The following RPS6KC1 variants were observed in gnomAD, a reference collection of about 807,000 sequenced individuals.
The protein encoded by RPS6KC1 is ribosomal protein S6 kinase C1, also known as inactive ribosomal protein S6 kinase delta-1.
In RPS6KC1, 54 loss-of-function variants were observed where a neutral mutation model predicts 103.8. The observed-to-expected ratio is 0.52, with a 90% CI of 0.42 to 0.65. The LOEUF (loss-of-function observed/expected upper bound fraction) is 0.65, where lower values mean the gene tolerates loss of function less well. RPS6KC1 is among the 30% of genes least tolerant of loss of function. The probability of loss-of-function intolerance (pLI) is 0.00; values close to 1 mark genes in which losing one functional copy is unlikely to be tolerated. For missense variants in RPS6KC1, 1,151 were observed against 1,253.8 expected, an observed-to-expected ratio of 0.92 and a Z score of 1.24; for synonymous variants, 439 against 438.7, an observed-to-expected ratio of 1.00 and a Z score of -0.01.
the RPS6KC1 span, among the ~76,000 whole-genome samples, chr1:213,668,001 C>T: frequency 6.6e-6 from 1 of 152,202 alleles, no homozygotes; most frequent in African/African-American, 2.4e-5. Flanking sequence ...ACTACATCTG[C>T]GTTGACTTTG....
the RPS6KC1 span, among the ~76,000 whole-genome samples, chr1:213,716,327 C>A: frequency 0.26 from 38,780 of 151,810 alleles, 6,150 homozygotes; most frequent in East Asian, 0.55. Context: ...GGGCTCCCTG[C>A]CTAATTCTGA....
At chr1:213,423,711 GCA>G in the RPS6KC1 span, among the ~76,000 whole-genome samples, 4 of 151,956 alleles carry the variant, frequency 2.6e-5, no homozygotes, top group Non-Finnish European at 5.9e-5. Flanking sequence ...TCATCTTGAG[GCA>G]CAGTTTCTTT....
chr1:213,161,380 G>A (rs565891073), intron 6 of RPS6KC1, among the ~76,000 whole-genome samples: 1 of 152,184 alleles, frequency 6.6e-6, no homozygotes, highest in South Asian at 2.1e-4. Flanking sequence ...GAGTGCAGGG[G>A]CACCATCTTG....
chr1:213,310,819 G>C, the RPS6KC1 span, among the ~76,000 whole-genome samples: 2 of 152,204 alleles, frequency 1.3e-5, no homozygotes, highest in Non-Finnish European at 2.9e-5. Context: ...TTAAAATTCA[G>C]ACTGTTTTGC....
the RPS6KC1 span, among the ~76,000 whole-genome samples, chr1:213,695,219 G>A: frequency 9.3e-4 from 142 of 152,352 alleles, no homozygotes; most frequent in Middle Eastern, 6.8e-3. Context: ...AATTATTACA[G>A]TGAAAAAGGT....
the RPS6KC1 span, among the ~76,000 whole-genome samples, chr1:213,316,700 AGTGTGT>A: frequency 0.011 from 1,627 of 144,508 alleles, 24 homozygotes; most frequent in African/African-American, 0.036. Context: ...TAGGGCATGC[AGTGTGT>A]GTGTGTGTGT....
chr1:213,190,643 G>C (rs1192302313), intron 8 of RPS6KC1, among the ~76,000 whole-genome samples: 2 of 152,110 alleles, frequency 1.3e-5, no homozygotes, highest in African/African-American at 4.8e-5. Context: ...CTGTGCAAAA[G>C]CTTTTTGCTT....
At chr1:213,688,532 C>G in the RPS6KC1 span, among the ~76,000 whole-genome samples, 1 of 152,086 alleles carries the variant, frequency 6.6e-6, no homozygotes, top group Non-Finnish European at 1.5e-5. Context: ...AACCAAGTTG[C>G]CTCTGTTTCC....
At position 213,184,080 on chromosome 1, in the gene RPS6KC1, TTAAC is replaced by T. The variant is rs1428367635; in HGVS notation, c.1044+7591_1044+7594del. 1.1e-4 allele frequency among the ~76,000 whole-genome samples: 16 copies of T among 152,280 alleles called. No individual in the cohort carries two copies. In the East Asian group the frequency reaches 3.1e-3, roughly 29 times the overall value. On this transcript the variant is annotated intron_variant, in intron 8 of 14. Coordinates refer to ENST00000366960, the MANE Select transcript of RPS6KC1 (RefSeq NM_012424.6). ...ATAAATAGATAATTTGAATGGCTCT[TTAAC>T]TATTAAGGGAACTGAATTTATAATT...
the RPS6KC1 span, among the ~76,000 whole-genome samples, chr1:213,628,312 T>C: frequency 6.6e-6 from 1 of 152,160 alleles, no homozygotes; most frequent in Non-Finnish European, 1.5e-5. Context: ...TCTTCTCTCT[T>C]TTATTCTTTA....
chr1:213,671,424 T>A, the RPS6KC1 span, among the ~76,000 whole-genome samples: 1 of 152,078 alleles, frequency 6.6e-6, no homozygotes, highest in Non-Finnish European at 1.5e-5. Flanking sequence ...AAAGTTTCAG[T>A]TACACAGGAG....
the RPS6KC1 span, among the ~76,000 whole-genome samples, chr1:213,676,549 A>G: frequency 2.0e-5 from 3 of 152,200 alleles, no homozygotes; most frequent in Non-Finnish European, 4.4e-5. Context: ...TAATTCAGCA[A>G]TGGACAGATG....
the RPS6KC1 span, among the ~76,000 whole-genome samples, chr1:213,714,978 C>T: frequency 1.3e-5 from 2 of 152,192 alleles, no homozygotes; most frequent in East Asian, 3.9e-4. Flanking sequence ...CATAGAGGGG[C>T]CAATCAAAGT....
At chr1:213,591,426 T>C in the RPS6KC1 span, among the ~76,000 whole-genome samples, 1 of 152,180 alleles carries the variant, frequency 6.6e-6, no homozygotes. Context: ...CTCCTTCTGT[T>C]TCCCACCATG....
At chr1:213,116,595 A>G (rs1312389005) in intron 4 of RPS6KC1, among the ~76,000 whole-genome samples, 13 of 149,898 alleles carry the variant, frequency 8.7e-5, no homozygotes, top group African/African-American at 3.0e-4. Context: ...TCCTGTCATT[A>G]TGATGTTAGC....
intron 2 of RPS6KC1, among the ~76,000 whole-genome samples, chr1:213,072,070 T>A (rs1442772832): frequency 6.6e-6 from 1 of 152,164 alleles, no homozygotes; most frequent in Non-Finnish European, 1.5e-5. Context: ...TATATCAGGA[T>A]TTTTTCCGCC....
chr1:213,128,202 T>G (rs1244920799), intron 5 of RPS6KC1, among the ~76,000 whole-genome samples: 1 of 152,232 alleles, frequency 6.6e-6, no homozygotes, highest in Non-Finnish European at 1.5e-5. Flanking sequence ...ATTCTAGCTA[T>G]CTGCTGTTAA....
At chr1:213,735,624 A>G in the RPS6KC1 span, among the ~76,000 whole-genome samples, 1 of 152,220 alleles carries the variant, frequency 6.6e-6, no homozygotes, top group Non-Finnish European at 1.5e-5. Context: ...ACAATGATGC[A>G]TGTTCTAATC....
At chr1:213,463,087 A>C in the RPS6KC1 span, among the ~76,000 whole-genome samples, 2 of 152,162 alleles carry the variant, frequency 1.3e-5, no homozygotes, top group African/African-American at 2.4e-5. Flanking sequence ...CTAAACTTGA[A>C]TTTTTATTTT....
Sources: allele counts gnomAD v4.1 joint callset (sites outside exome capture counted in the v4.1 genomes callset), GRCh38; gene constraint gnomAD v4.1.1; transcripts MANE v1.5; gene names NCBI Gene and HGNC (gene_info 2026-07-23, HGNC 2026-07-21).